Variants in VPS13B observed in about 807,000 individuals in gnomAD.
VPS13B encodes intermembrane lipid transfer protein VPS13B.
A neutral mutation model predicts 426.4 loss-of-function variants in VPS13B; 285 were observed. The ratio of observed to expected loss-of-function variants is 0.67; its 90% CI spans 0.61 to 0.74. The LOEUF (loss-of-function observed/expected upper bound fraction) is 0.74, where lower values mean the gene tolerates loss of function less well. Among genes scored for constraint, VPS13B ranks in the 30% least tolerant of loss-of-function variants. VPS13B has a pLI of 0.00. For synonymous variants in VPS13B, 1,676 were observed against 1,676.4 expected (o/e 1.00, Z 0.01); for missense variants, 4,537 against 4,782.6 (o/e 0.95, Z 1.51).
chr8:99,511,060 CTTTT>C, intron 28 of VPS13B, 40 bp from the exon 29 acceptor site: 1 of 1,601,488 alleles, frequency 6.2e-7, no homozygotes, highest in South Asian at 1.1e-5. Context: ...TAAAAAAAAT[CTTTT>C]TAATGAACTG....
intron 39 of VPS13B, among the ~76,000 whole-genome samples, chr8:99,746,001 G>C (rs1810067339): frequency 6.6e-6 from 1 of 152,014 alleles, no homozygotes; most frequent in Admixed American, 6.6e-5. Flanking sequence ...TATATTAGTT[G>C]ATATGTTTCT....
chr8:99,046,838 C>T (rs534346296), intron 3 of VPS13B, among the ~76,000 whole-genome samples: 3 of 152,034 alleles, frequency 2.0e-5, no homozygotes, highest in South Asian at 2.1e-4. Context: ...TTTATTGACT[C>T]GTGTGTGTTA....
At chr8:99,857,666 C>T (rs920888899) in intron 56 of VPS13B, among the ~76,000 whole-genome samples, 3 of 152,186 alleles carry the variant, frequency 2.0e-5, no homozygotes, top group African/African-American at 7.2e-5. Context: ...TCCTCCTTTT[C>T]CTGCCTGTGA....
chr8:99,211,628 T>A (rs1815093459), intron 17 of VPS13B, among the ~76,000 whole-genome samples: 1 of 152,042 alleles, frequency 6.6e-6, no homozygotes, highest in Admixed American at 6.5e-5. Flanking sequence ...AATACAAAAA[T>A]TAGCTGGACG....
intron 49 of VPS13B, 57 bp downstream of exon 49, chr8:99,820,179 T>C (rs1184175890): frequency 5.8e-6 from 9 of 1,542,424 alleles, no homozygotes; most frequent in Non-Finnish European, 6.2e-6. Context: ...TAGATTTTAT[T>C]GTAAAGTTGC....
intron 8 of VPS13B, among the ~76,000 whole-genome samples, chr8:99,129,717 A>G (rs911835260): frequency 4.6e-5 from 7 of 151,934 alleles, no homozygotes; most frequent in African/African-American, 1.7e-4. Context: ...CTTTCTGGTG[A>G]TTTTTTCCTG....
intron 2 of VPS13B, among the ~76,000 whole-genome samples, chr8:99,023,078 A>G (rs1841975940): frequency 6.6e-6 from 1 of 151,588 alleles, no homozygotes; most frequent in Admixed American, 6.6e-5. Flanking sequence ...AGCTTCGACC[A>G]CATGGGCTCA....
chr8:99,077,814 G>T (rs980664619), intron 3 of VPS13B, among the ~76,000 whole-genome samples: 7 of 151,478 alleles, frequency 4.6e-5, no homozygotes, highest in Non-Finnish European at 7.4e-5. Flanking sequence ...CATTAATTAG[G>T]TTTTCTATGC....
In VPS13B at chr8:99,875,928, T is replaced by C. The variant is rs1415344913; in HGVS notation, c.*262T>C. 2 of 510,950 alleles carry C rather than the reference T, an allele frequency of 3.9e-6. No homozygotes were observed. Among genetic ancestry groups the C allele is most frequent in the Non-Finnish European group, 7.1e-6 (2 of 283,506 alleles). The allele number at this position is 510,950 out of a possible 1,614,324, so 31.7% of individuals were successfully genotyped here. A position where few individuals can be genotyped will look rare whatever the true frequency, so the allele number is the denominator to read the frequency against. ...GGACACAAGGCCAACAGTTTCCTTA[T>C]TTACATCCTTACCTCTAAAAGATAC... On this transcript the variant is annotated 3_prime_UTR_variant, in exon 62 of 62. Transcript: ENST00000357162.
At chr8:99,165,079 A>G (rs1250958119) in intron 15 of VPS13B, among the ~76,000 whole-genome samples, 2 of 152,250 alleles carry the variant, frequency 1.3e-5, no homozygotes, top group Non-Finnish European at 2.9e-5. Flanking sequence ...GTAATTGACA[A>G]AATTGTATAT....
chr8:99,494,112 C>T lies in VPS13B; in HGVS notation c.3871-7575C>T, dbSNP rs140507870. Among the ~76,000 whole-genome samples the T allele has an allele frequency of 8.3e-3, 1,263 of 152,142 alleles. 19 individuals are homozygous for T. Among genetic ancestry groups the T allele is most frequent in the African/African-American group, 0.029 (1,187 of 41,524 alleles). Reference sequence around the variant, plus strand: ...ACTGTACAATCATGATTTTATATTACTATAAGTTTTTTGGCTTAATTTTTT... The same window carrying T: ...ACTGTACAATCATGATTTTATATTATTATAAGTTTTTTGGCTTAATTTTTT... On this transcript the variant is annotated intron_variant, in intron 25 of 61. Transcript: ENST00000357162.
intron 33 of VPS13B, among the ~76,000 whole-genome samples, chr8:99,636,596 A>G (rs1829079432): frequency 6.6e-6 from 1 of 152,020 alleles, no homozygotes; most frequent in Non-Finnish European, 1.5e-5. Context: ...CATTAGTTGG[A>G]AAGTACAGGG....
chr8:99,566,302 A>C (rs555253614), intron 31 of VPS13B, among the ~76,000 whole-genome samples: 1 of 152,306 alleles, frequency 6.6e-6, no homozygotes, highest in African/African-American at 2.4e-5. Context: ...GCATACGATA[A>C]AATTTTAAAA....
In VPS13B at chr8:99,730,752, G is replaced by C. The variant is rs571417012; in HGVS notation, c.7050+9705G>C. On this transcript the variant is annotated intron_variant, in intron 39 of 61. Coordinates refer to ENST00000357162, the MANE Select transcript of VPS13B (RefSeq NM_152564.5). Reference sequence around the variant, plus strand: ...AGGTACCTCCTGAAAGGTACCTGTAGGTACAGGTACAGGTACCTCCTGAAG... The same window carrying C: ...AGGTACCTCCTGAAAGGTACCTGTACGTACAGGTACAGGTACCTCCTGAAG... Among the ~76,000 whole-genome samples the C allele has an allele frequency of 5.1e-3, 760 of 149,866 alleles. 5 individuals carry two copies. Among genetic ancestry groups the C allele is most frequent in the African/African-American group, 0.017 (715 of 41,026 alleles).
intron 2 of VPS13B, among the ~76,000 whole-genome samples, chr8:99,025,601 A>G (rs187911722): frequency 7.2e-5 from 11 of 152,214 alleles, no homozygotes; most frequent in African/African-American, 2.4e-4. Flanking sequence ...AGGATTTTCT[A>G]TCCTTCAGTT....
intron 5 of VPS13B, among the ~76,000 whole-genome samples, chr8:99,105,201 A>G (rs1313962449): frequency 6.6e-6 from 1 of 152,156 alleles, no homozygotes. Context: ...AAGTGTAGGT[A>G]AGGCCCAAGC....
At chr8:99,088,970 A>G (rs1384210720) in intron 3 of VPS13B, among the ~76,000 whole-genome samples, 3 of 152,140 alleles carry the variant, frequency 2.0e-5, no homozygotes, top group African/African-American at 4.8e-5. Flanking sequence ...TGACTACTCA[A>G]TCTCACTCTG....
chr8:99,875,796 A>C lies in VPS13B; in HGVS notation c.*130A>C. On this transcript the variant is annotated 3_prime_UTR_variant, in exon 62 of 62. Transcript: ENST00000357162. ...AAGCAATCCTCCCACCTCAACCCAC[A>C]AGTAGCTACGACTGCAAGCACCTGC... is the stretch of plus-strand genomic sequence containing the variant. 1 of 1,237,798 alleles carries C rather than the reference A, an allele frequency of 8.1e-7. No homozygotes were observed. Among genetic ancestry groups the C allele is most frequent in the Non-Finnish European group, 1.1e-6 (1 of 870,918 alleles). The allele number at this position is 1,237,798 out of a possible 1,614,324, so 76.7% of individuals were successfully genotyped here. A position where few individuals can be genotyped will look rare whatever the true frequency, so the allele number is the denominator to read the frequency against.
intron 30 of VPS13B, among the ~76,000 whole-genome samples, chr8:99,528,487 C>T (rs1335454479): frequency 6.6e-6 from 1 of 152,024 alleles, no homozygotes; most frequent in Non-Finnish European, 1.5e-5. Flanking sequence ...AGACTTCAAC[C>T]ACATTATCTT....
Sources: gnomAD v4.1 joint callset for allele counts (sites outside exome capture counted in the v4.1 genomes callset) on GRCh38, gnomAD v4.1.1 for gene constraint, MANE v1.5 for transcripts, NCBI Gene and HGNC (gene_info 2026-07-23, HGNC 2026-07-21) for gene names.